Variants in ITCH observed in about 807,000 individuals in gnomAD.
The protein encoded by ITCH is E3 ubiquitin-protein ligase Itchy homolog.
A neutral mutation model predicts 126.8 loss-of-function variants in ITCH; 28 were observed. That is an observed-to-expected ratio of 0.22 (90% confidence interval 0.16 to 0.30). The LOEUF (loss-of-function observed/expected upper bound fraction) is 0.30, where lower values mean the gene tolerates loss of function less well. Ranked by LOEUF, ITCH falls within the 10% of genes least tolerant of loss-of-function variation. The pLI, the probability that ITCH is intolerant of heterozygous loss-of-function variation, is 1.00. For missense variants in ITCH, 631 were observed against 1,032.4 expected (o/e 0.61, Z 5.33); for synonymous variants, 342 against 340.0 (o/e 1.01, Z -0.06).
At chr20:34,437,154 CTA>C (rs1415901363) in intron 7 of ITCH, among the ~76,000 whole-genome samples, 7 of 151,766 alleles carry the variant, frequency 4.6e-5, no homozygotes, top group Non-Finnish European at 1.0e-4. Context: ...AAGAAAAAAA[CTA>C]TGTGAGGAGA....
intron 2 of ITCH, among the ~76,000 whole-genome samples, chr20:34,391,210 T>C (rs1427296607): frequency 6.6e-6 from 1 of 152,200 alleles, no homozygotes; most frequent in Non-Finnish European, 1.5e-5. Flanking sequence ...GTGATACATG[T>C]CCTATTTTTA....
At chr20:34,476,300 C>T (rs80197783) in intron 16 of ITCH, 1 of 931,624 alleles carries the variant, frequency 1.1e-6, no homozygotes, top group Non-Finnish European at 1.8e-6. Flanking sequence ...CTGCTCCGCG[C>T]CCCTGCCGAC....
chr20:34,401,009 T>A (rs990826963), intron 3 of ITCH, among the ~76,000 whole-genome samples: 1 of 152,158 alleles, frequency 6.6e-6, no homozygotes, highest in Non-Finnish European at 1.5e-5. Flanking sequence ...TTCACCCACC[T>A]CGGCCTCCCA....
chr20:34,363,437 G>C (rs1182537477), intron 1 of ITCH, 88 bp downstream of exon 1: 1 of 152,396 alleles, frequency 6.6e-6, no homozygotes, highest in Non-Finnish European at 1.5e-5. Flanking sequence ...GGGTAGAGGA[G>C]TGGGACGCGC....
chr20:34,438,770 T>G, intron 8 of ITCH, 139 bp downstream of exon 8: 1 of 1,171,410 alleles, frequency 8.5e-7, no homozygotes, highest in Non-Finnish European at 1.3e-6. Context: ...GAATGATCTT[T>G]CTGTAGGTAA....
At chr20:34,374,757 G>C (rs1427686906) in intron 2 of ITCH, among the ~76,000 whole-genome samples, 4 of 148,490 alleles carry the variant, frequency 2.7e-5, no homozygotes, top group Non-Finnish European at 5.9e-5. Context: ...TTTTGAGACA[G>C]AGTTTCACTT....
At chr20:34,482,338 C>T (rs935922856) in intron 20 of ITCH, among the ~76,000 whole-genome samples, 1 of 152,206 alleles carries the variant, frequency 6.6e-6, no homozygotes, top group African/African-American at 2.4e-5. Flanking sequence ...TCATCTGGGA[C>T]AAGGGAAGTC....
At chr20:34,462,912 C>T (rs111658191) in intron 14 of ITCH, among the ~76,000 whole-genome samples, 9 of 152,208 alleles carry the variant, frequency 5.9e-5, no homozygotes, top group South Asian at 2.1e-4. Context: ...AAGATTTATC[C>T]GTGTTGTAAT....
chr20:34,442,614 A>G (rs554715374), intron 10 of ITCH, among the ~76,000 whole-genome samples: 243 of 151,930 alleles, frequency 1.6e-3, no homozygotes, highest in Non-Finnish European at 2.3e-3. Flanking sequence ...TGGCCTCCCA[A>G]AGTGCTGGGA....
intron 23 of ITCH, among the ~76,000 whole-genome samples, chr20:34,497,932 C>T (rs774640741): frequency 3.3e-5 from 5 of 152,146 alleles, no homozygotes; most frequent in Admixed American, 6.6e-5. Context: ...TTTAATAGTA[C>T]GGTTATTAGT....
chr20:34,370,283 G>T (rs916339012), intron 2 of ITCH, among the ~76,000 whole-genome samples: 1 of 152,026 alleles, frequency 6.6e-6, no homozygotes, highest in Admixed American at 6.6e-5. Context: ...ATTGATTCCT[G>T]TCTCCATCCC....
chr20:34,422,799 ATT>A (rs967184082), intron 6 of ITCH, among the ~76,000 whole-genome samples: 3 of 144,916 alleles, frequency 2.1e-5, no homozygotes, highest in African/African-American at 2.5e-5. Flanking sequence ...ACTAATCTGT[ATT>A]TTTTTTTTTT....
At chr20:34,424,635 A>G in intron 7 of ITCH, 110 bp downstream of exon 7, 1 of 909,020 alleles carries the variant, frequency 1.1e-6, no homozygotes, top group Non-Finnish European at 1.8e-6. Flanking sequence ...AGTGTCAGAA[A>G]GAATTCAGAA....
At chr20:34,417,528 T>A (rs1208064579) in intron 6 of ITCH, among the ~76,000 whole-genome samples, 1 of 151,568 alleles carries the variant, frequency 6.6e-6, no homozygotes, top group Non-Finnish European at 1.5e-5. Context: ...GCCTCCCGAG[T>A]AGCTGGGATG....
intron 2 of ITCH, among the ~76,000 whole-genome samples, chr20:34,370,982 C>A (rs529140948): frequency 4.0e-5 from 6 of 151,896 alleles, no homozygotes; most frequent in African/African-American, 9.6e-5. Context: ...TCCTGGCTAA[C>A]AAGGTGAAAC....
intron 3 of ITCH, among the ~76,000 whole-genome samples, chr20:34,403,095 G>A (rs1169469716): frequency 2.0e-5 from 3 of 152,116 alleles, no homozygotes; most frequent in Non-Finnish European, 4.4e-5. Context: ...AGGCAGGGCA[G>A]AGTTCTTCCA....
In ITCH at chr20:34,452,183, T is replaced by C. The variant is rs2146332065; in HGVS notation, c.1210+2703T>C. On this transcript the variant is annotated intron_variant, in intron 12 of 24. Coordinates refer to ENST00000374864, the MANE Select transcript of ITCH (RefSeq NM_031483.7). ...TAGGGCAGGTGTAGAAAAAAATGCC[T>C]CTTGCTTATAGAAAGCTGAATTGTG... 2.0e-5 allele frequency among the ~76,000 whole-genome samples: 3 copies of C among 152,002 alleles called. No individual in the cohort carries two copies. In the East Asian group the frequency reaches 5.8e-4, roughly 29 times the overall value.
chr20:34,435,366 G>A (rs1193485056), intron 7 of ITCH, among the ~76,000 whole-genome samples: 7 of 151,908 alleles, frequency 4.6e-5, no homozygotes, highest in South Asian at 4.1e-4. Context: ...ATGGGGTTTC[G>A]CCATATAAGC....
At position 34,454,262 on chromosome 20, in the gene ITCH, C is replaced by T. The variant is rs184293473; in HGVS notation, c.1211-3128C>T. Among the ~76,000 whole-genome samples the T allele has an allele frequency of 7.8e-3, 1,186 of 151,250 alleles. 18 individuals carry two copies. The highest frequency in any genetic ancestry group is 0.027 in the African/African-American group (1,119 of 41,296). Reference sequence around the variant, plus strand: ...ACGCCATTCTCCTGCCTCAGCCTCCCGAGTAGCTGGGACTACAGGCGCCCG... The same window carrying T: ...ACGCCATTCTCCTGCCTCAGCCTCCTGAGTAGCTGGGACTACAGGCGCCCG... On this transcript the variant is annotated intron_variant, in intron 12 of 24. Transcript: ENST00000374864.
Sources: gnomAD v4.1 joint callset for allele counts (sites outside exome capture counted in the v4.1 genomes callset) on GRCh38, gnomAD v4.1.1 for gene constraint, MANE v1.5 for transcripts, NCBI Gene and HGNC (gene_info 2026-07-23, HGNC 2026-07-21) for gene names.